Variants in QKI observed in about 807,000 individuals in gnomAD.
The protein encoded by QKI is QKI, KH domain containing RNA binding, also known as KH domain-containing RNA-binding protein QKI.
QKI carries 10 observed loss-of-function variants against 39.0 expected under a neutral mutation model. The observed-to-expected ratio is 0.26, with a 90% CI of 0.16 to 0.43. The LOEUF is 0.43. Among genes scored for constraint, QKI ranks in the 20% least tolerant of loss-of-function variants. The probability of loss-of-function intolerance (pLI) is 1.00; values close to 1 mark genes in which losing one functional copy is unlikely to be tolerated. For missense variants in QKI, 218 were observed against 428.0 expected, an observed-to-expected ratio of 0.51 and a Z score of 4.33; for synonymous variants, 204 against 155.4, an observed-to-expected ratio of 1.31 and a Z score of -2.33.
intron 3 of QKI, among the ~76,000 whole-genome samples, chr6:163,514,994 CAA>C (rs1051715075): frequency 1.3e-5 from 2 of 152,162 alleles, no homozygotes; most frequent in African/African-American, 4.8e-5. Context: ...ACATCTGTAA[CAA>C]AATGTGTATA....
chr6:163,428,373 T>C (rs1430209552), intron 1 of QKI, among the ~76,000 whole-genome samples: 1 of 152,226 alleles, frequency 6.6e-6, no homozygotes, highest in Non-Finnish European at 1.5e-5. Context: ...TTGAGAGGTA[T>C]CCTGTTTGTA....
intron 3 of QKI, among the ~76,000 whole-genome samples, chr6:163,527,454 C>T (rs538924383): frequency 2.9e-4 from 44 of 152,168 alleles, no homozygotes; most frequent in African/African-American, 9.2e-4. Context: ...GGGGTTTTGG[C>T]GTATGAACTT....
intron 2 of QKI, among the ~76,000 whole-genome samples, chr6:163,476,239 C>G (rs1412195001): frequency 2.0e-5 from 3 of 149,934 alleles, no homozygotes; most frequent in African/African-American, 7.3e-5. Context: ...AAAATATGTA[C>G]AACCATTTTA....
At chr6:163,460,322 T>C (rs747499961) in intron 2 of QKI, among the ~76,000 whole-genome samples, 13 of 152,340 alleles carry the variant, frequency 8.5e-5, no homozygotes, top group Non-Finnish European at 1.5e-4. Context: ...ACCCATATTG[T>C]CAAAGGTTTT....
intron 1 of QKI, 124 bp from the exon 2 acceptor site, chr6:163,455,155 A>C: frequency 2.3e-4 from 137 of 605,916 alleles, no homozygotes; most frequent in Non-Finnish European, 3.2e-4. Flanking sequence ...AGAATAGGCC[A>C]GGAGCTCCTT....
At chr6:163,510,217 A>AAATAATAAT (rs142297811) in intron 3 of QKI, among the ~76,000 whole-genome samples, 8,549 of 136,170 alleles carry the variant, frequency 0.063, 292 homozygotes, top group Middle Eastern at 0.084. Flanking sequence ...CTCTATCTCA[A>AAATAATAAT]AATAATAATA....
intron 3 of QKI, among the ~76,000 whole-genome samples, chr6:163,504,384 A>G (rs1318613414): frequency 6.6e-6 from 1 of 152,068 alleles, no homozygotes; most frequent in African/African-American, 2.4e-5. Flanking sequence ...GTTTTTTCTA[A>G]TTCTGTGATA....
At chr6:163,521,474 T>G (rs1780152136) in intron 3 of QKI, among the ~76,000 whole-genome samples, 1 of 152,098 alleles carries the variant, frequency 6.6e-6, no homozygotes, top group East Asian at 1.9e-4. Flanking sequence ...AGGTTGAAAG[T>G]CATTACCAAG....
chr6:163,561,281 G>A (rs548592582), intron 4 of QKI, among the ~76,000 whole-genome samples: 2 of 152,086 alleles, frequency 1.3e-5, no homozygotes, highest in African/African-American at 2.4e-5. Flanking sequence ...TGTGTTTAAC[G>A]AACACATTTG....
intron 4 of QKI, among the ~76,000 whole-genome samples, chr6:163,553,031 C>CA (rs2128247035): frequency 6.7e-6 from 1 of 148,738 alleles, no homozygotes; most frequent in Non-Finnish European, 1.5e-5. Context: ...TTTAGATAGT[C>CA]ATAATTTTCA....
intron 2 of QKI, among the ~76,000 whole-genome samples, chr6:163,460,188 A>T (rs564701519): frequency 1.1e-3 from 172 of 152,332 alleles, no homozygotes; most frequent in Middle Eastern, 6.8e-3. Context: ...TGATGATTAA[A>T]TTGTAGTGAG....
intron 4 of QKI, among the ~76,000 whole-genome samples, chr6:163,561,770 C>T (rs934618403): frequency 2.6e-5 from 4 of 152,114 alleles, no homozygotes; most frequent in African/African-American, 9.7e-5. Flanking sequence ...TTTACAAATA[C>T]AATATGCTGT....
At chr6:163,425,634 A>C (rs567682734) in intron 1 of QKI, among the ~76,000 whole-genome samples, 1 of 152,224 alleles carries the variant, frequency 6.6e-6, no homozygotes, top group African/African-American at 2.4e-5. Context: ...ATTTATATTG[A>C]GTTTTCTGTA....
At chr6:163,449,515 A>C (rs2128217864) in intron 1 of QKI, among the ~76,000 whole-genome samples, 1 of 152,368 alleles carries the variant, frequency 6.6e-6, no homozygotes, top group East Asian at 1.9e-4. Context: ...ATCAGCTACC[A>C]CAACACTAAG....
chr6:163,455,181 C>CT, intron 1 of QKI, 98 bp from the exon 2 acceptor site: 1 of 922,524 alleles, frequency 1.1e-6, no homozygotes, highest in South Asian at 2.2e-5. Flanking sequence ...AGTTTTAATG[C>CT]TTTATCAATG....
chr6:163,458,959 A>AT (rs1791143531), intron 2 of QKI, among the ~76,000 whole-genome samples: 1 of 152,150 alleles, frequency 6.6e-6, no homozygotes, highest in Non-Finnish European at 1.5e-5. Context: ...TATTGGCTGT[A>AT]TTTGTCAACA....
At chr6:163,525,370 T>C (rs942494297) in intron 3 of QKI, among the ~76,000 whole-genome samples, 2 of 151,438 alleles carry the variant, frequency 1.3e-5, no homozygotes, top group Non-Finnish European at 2.9e-5. Context: ...TCCTTTCCTT[T>C]CTTTCTTGAC....
chr6:163,421,246 G>T (rs1479733962), intron 1 of QKI, among the ~76,000 whole-genome samples: 1 of 152,166 alleles, frequency 6.6e-6, no homozygotes, highest in Non-Finnish European at 1.5e-5. Flanking sequence ...CTGCCAAGGT[G>T]CTTAATTTTA....
At chr6:163,563,902 T>A (rs2128250833) in intron 6 of QKI, 183 bp downstream of exon 6, 1 of 1,415,546 alleles carries the variant, frequency 7.1e-7, no homozygotes, top group East Asian at 2.5e-5. Context: ...TAATTGCACC[T>A]TAAATTTATT....
Sources: gnomAD v4.1 joint callset for allele counts (sites outside exome capture counted in the v4.1 genomes callset) on GRCh38, gnomAD v4.1.1 for gene constraint, MANE v1.5 for transcripts, NCBI Gene and HGNC (gene_info 2026-07-23, HGNC 2026-07-21) for gene names.